BFSP2: variants seen among roughly 807,000 people sequenced by gnomAD.
BFSP2 encodes beaded filament structural protein 2.
BFSP2 carries 38 observed loss-of-function variants against 44.9 expected under a neutral mutation model. That is an observed-to-expected ratio of 0.85 (90% confidence interval 0.65 to 1.11). BFSP2 has a LOEUF of 1.11. Among genes scored for constraint, BFSP2 ranks in the 50% least tolerant of loss-of-function variants. BFSP2 has a pLI of 0.00. For synonymous variants in BFSP2, 197 were observed against 209.9 expected, an observed-to-expected ratio of 0.94 and a Z score of 0.53; for missense variants, 525 against 533.0, an observed-to-expected ratio of 0.99 and a Z score of 0.15.
At position 133,400,282 on chromosome 3, in the gene BFSP2, G is replaced by C; in HGVS notation, c.199G>C (p.Gly67Arg). The change falls in exon 1 of 7, where the codon GGT becomes CGT. Residue 67 changes from glycine (G) to arginine (R), a missense_variant. Coordinates refer to ENST00000302334, the MANE Select transcript of BFSP2 (RefSeq NM_003571.4). The surrounding 1 kb of genome is among the most constrained non-coding windows in gnomAD (Gnocchi z 4.0). ...AGGAACAGCACCCAGTGGGTGCATA[G>C]GTGGCTTGGGTGCCCGTGTGACCCG... The part of the protein sequence containing the change: ...YVGTAPSGCI[G>R]GLGARVTRRA... The C allele has an allele frequency of 6.2e-7, 1 of 1,614,050 alleles. No homozygotes were observed. The highest frequency in any genetic ancestry group is 1.1e-5 in the South Asian group (1 of 91,082).
intron 4 of BFSP2, among the ~76,000 whole-genome samples, chr3:133,452,330 C>G (rs1028067478): frequency 1.3e-5 from 2 of 152,152 alleles, no homozygotes; most frequent in Non-Finnish European, 2.9e-5. Flanking sequence ...TTTCACTCAC[C>G]CATTTCTCCA....
At chr3:133,437,744 G>A (rs1308524982) in intron 1 of BFSP2, among the ~76,000 whole-genome samples, 1 of 152,198 alleles carries the variant, frequency 6.6e-6, no homozygotes, top group African/African-American at 2.4e-5. Context: ...AATGGAAGAT[G>A]GCTGAGCATG....
At chr3:133,426,289 C>T (rs1431008768) in intron 1 of BFSP2, among the ~76,000 whole-genome samples, 1 of 152,028 alleles carries the variant, frequency 6.6e-6, no homozygotes, top group Non-Finnish European at 1.5e-5. Context: ...CCAAATGCCC[C>T]CTGCTGACGT....
At chr3:133,459,958 G>GCACAT (rs754896242) in intron 4 of BFSP2, among the ~76,000 whole-genome samples, 76 of 152,252 alleles carry the variant, frequency 5.0e-4, no homozygotes, top group Non-Finnish European at 1.0e-3. Flanking sequence ...ATATTGTTGA[G>GCACAT]CACATTCTAG....
At chr3:133,468,646 C>T (rs1423055044) in intron 5 of BFSP2, among the ~76,000 whole-genome samples, 3 of 152,200 alleles carry the variant, frequency 2.0e-5, no homozygotes, top group Non-Finnish European at 4.4e-5. Context: ...CCTGAGTGAG[C>T]ACAGAAGCTA....
intron 2 of BFSP2, 117 bp downstream of exon 2, chr3:133,447,516 G>A: frequency 9.6e-7 from 1 of 1,046,926 alleles, no homozygotes; most frequent in Non-Finnish European, 1.4e-6. Flanking sequence ...GAAGCTGGCA[G>A]GATAACAGAG....
chr3:133,430,399 A>G (rs1416536243), intron 1 of BFSP2, among the ~76,000 whole-genome samples: 1 of 151,512 alleles, frequency 6.6e-6, no homozygotes, highest in Non-Finnish European at 1.5e-5. Context: ...CTATTTCTCC[A>G]CATCCTCTCC....
intron 4 of BFSP2, among the ~76,000 whole-genome samples, chr3:133,453,194 T>C (rs73211883): frequency 2.1e-3 from 316 of 152,364 alleles, no homozygotes; most frequent in Non-Finnish European, 3.6e-3. Flanking sequence ...TAAATAGTTT[T>C]GTCAGTTGCA....
Position 133,475,101 on chromosome 3 carries a change from AAAGC to A in BFSP2, c.*130_*133del. The A allele has an allele frequency of 7.3e-7, 1 of 1,368,818 alleles. No homozygotes were observed. Among genetic ancestry groups the A allele is most frequent in the Non-Finnish European group, 1.0e-6 (1 of 960,186 alleles). The allele number at this position is 1,368,818 out of a possible 1,614,324, so 84.8% of individuals were successfully genotyped here. On this transcript the variant is annotated 3_prime_UTR_variant, in exon 7 of 7. Coordinates refer to ENST00000302334, the MANE Select transcript of BFSP2 (RefSeq NM_003571.4). ...CCCTGGTTAATTCAGCTTGAGCTGA[AAAGC>A]TTCCTGGAAGTGGAGAGGATCCTTC... is the stretch of plus-strand genomic sequence containing the variant.
intron 1 of BFSP2, among the ~76,000 whole-genome samples, chr3:133,439,128 T>C (rs2073820035): frequency 6.6e-6 from 1 of 152,252 alleles, no homozygotes; most frequent in Non-Finnish European, 1.5e-5. Flanking sequence ...AGATTATGCC[T>C]GTGAAGGGCT....
At chr3:133,422,296 G>A (rs1300310175) in intron 1 of BFSP2, among the ~76,000 whole-genome samples, 2 of 152,076 alleles carry the variant, frequency 1.3e-5, no homozygotes, top group Non-Finnish European at 2.9e-5. Context: ...TTTCTTAACT[G>A]TTAGATAAAG....
At chr3:133,457,320 A>AG (rs1385639405) in intron 4 of BFSP2, among the ~76,000 whole-genome samples, 1 of 152,230 alleles carries the variant, frequency 6.6e-6, no homozygotes, top group Non-Finnish European at 1.5e-5. Flanking sequence ...GAGCTTCACA[A>AG]AAGGGCCCTG....
At chr3:133,442,434 C>T (rs1206060738) in intron 1 of BFSP2, among the ~76,000 whole-genome samples, 1 of 152,106 alleles carries the variant, frequency 6.6e-6, no homozygotes, top group Non-Finnish European at 1.5e-5. Context: ...GGCTTATAGG[C>T]GTGAACCACC....
At chr3:133,456,069 G>C (rs1242178237) in intron 4 of BFSP2, among the ~76,000 whole-genome samples, 1 of 152,208 alleles carries the variant, frequency 6.6e-6, no homozygotes, top group Non-Finnish European at 1.5e-5. Flanking sequence ...ACCAGCACAA[G>C]TTGGTGGTTG....
At chr3:133,469,838 T>C (rs908647534) in intron 5 of BFSP2, among the ~76,000 whole-genome samples, 1 of 152,228 alleles carries the variant, frequency 6.6e-6, no homozygotes, top group Non-Finnish European at 1.5e-5. Context: ...TTCCAATGAA[T>C]GCCCTGTTGG....
At chr3:133,461,993 C>CTAAAAAATA (rs2074068216) in intron 4 of BFSP2, among the ~76,000 whole-genome samples, 4 of 152,128 alleles carry the variant, frequency 2.6e-5, no homozygotes, top group African/African-American at 9.7e-5. Context: ...TTTAGTTATC[C>CTAAAAAATA]TCTACCCACT....
rs74597396 is a variant in BFSP2, at chr3:133,409,166, C to A, written c.489+8594C>A. On this transcript the variant is annotated intron_variant, in intron 1 of 6. Coordinates refer to ENST00000302334, the MANE Select transcript of BFSP2 (RefSeq NM_003571.4). The stretch of plus-strand genomic sequence containing the variant: ...AGATGCAAAAGACAACAGAAAAAAA[C>A]CCAACAATTTTTCAGTAATCACATT... Among the ~76,000 whole-genome samples, 39 of 152,084 alleles carry A rather than the reference C, an allele frequency of 2.6e-4. No homozygotes were observed. In the East Asian group the frequency reaches 5.2e-3, roughly 20 times the overall value.
At chr3:133,472,035 C>T (rs2074166486) in intron 5 of BFSP2, among the ~76,000 whole-genome samples, 1 of 152,002 alleles carries the variant, frequency 6.6e-6, no homozygotes, top group African/African-American at 2.4e-5. Flanking sequence ...CCCTCTTGCC[C>T]CGCTCCTCTC....
In BFSP2 at chr3:133,400,754, G is replaced by A. The variant is rs537943982; in HGVS notation, c.489+182G>A. Among the ~76,000 whole-genome samples the A allele has an allele frequency of 6.6e-5, 10 of 152,308 alleles. No individual in the cohort carries two copies. Among genetic ancestry groups the A allele is most frequent in the African/African-American group, 2.4e-4 (10 of 41,546 alleles). Reference sequence around the variant, plus strand: ...TTACCGAGGTTTACTAGGAGCCCACGCTAGCCCCCATACGTGCACTACCCA... The same window carrying A: ...TTACCGAGGTTTACTAGGAGCCCACACTAGCCCCCATACGTGCACTACCCA... On this transcript the variant is annotated intron_variant, in intron 1 of 6. Coordinates refer to ENST00000302334, the MANE Select transcript of BFSP2 (RefSeq NM_003571.4). This position sits in a 1 kb window ranked among gnomAD's most constrained non-coding sequence, Gnocchi z 4.0.
Sources: allele counts gnomAD v4.1 joint callset (sites outside exome capture counted in the v4.1 genomes callset), GRCh38; gene constraint gnomAD v4.1.1; non-coding constraint Gnocchi (gnomAD v3.1); transcripts MANE v1.5; gene names NCBI Gene and HGNC (gene_info 2026-07-23, HGNC 2026-07-21).